Variants in GRIA2 observed in about 807,000 individuals in gnomAD.
The protein encoded by GRIA2 is glutamate receptor 2.
A neutral mutation model predicts 97.3 loss-of-function variants in GRIA2; 14 were observed. That is an observed-to-expected ratio of 0.14 (90% CI 0.10 to 0.23). The LOEUF is 0.23. Ranked by LOEUF, GRIA2 falls within the 10% of genes least tolerant of loss-of-function variation. GRIA2 has a pLI of 1.00. For synonymous variants in GRIA2, 412 were observed against 387.8 expected (o/e 1.06, Z -0.73); for missense variants, 558 against 1,069.8 (o/e 0.52, Z 6.67).
chr4:157,231,965 G>A (rs1730039111), intron 2 of GRIA2, among the ~76,000 whole-genome samples: 1 of 152,136 alleles, frequency 6.6e-6, no homozygotes, highest in African/African-American at 2.4e-5. Flanking sequence ...CAAATGATAT[G>A]TAATATTTTG....
intron 3 of GRIA2, among the ~76,000 whole-genome samples, chr4:157,312,231 C>T (rs953103885): frequency 6.6e-6 from 1 of 151,980 alleles, no homozygotes; most frequent in African/African-American, 2.4e-5. Context: ...TACATAGATT[C>T]CTCATTCAAA....
chr4:157,240,401 G>T (rs1420052192), intron 2 of GRIA2, among the ~76,000 whole-genome samples: 1 of 151,996 alleles, frequency 6.6e-6, no homozygotes, highest in African/African-American at 2.4e-5. Context: ...AAAAATTTTT[G>T]AAATATCTTG....
intron 12 of GRIA2, among the ~76,000 whole-genome samples, chr4:157,350,846 T>C (rs1197471445): frequency 6.6e-6 from 1 of 151,974 alleles, no homozygotes; most frequent in African/African-American, 2.4e-5. Context: ...GTAAGCCTCA[T>C]GTATTCCATT....
intron 12 of GRIA2, among the ~76,000 whole-genome samples, chr4:157,351,638 T>C (rs1736014830): frequency 6.6e-6 from 1 of 152,170 alleles, no homozygotes; most frequent in Non-Finnish European, 1.5e-5. Flanking sequence ...CACCTTGAAT[T>C]GCAATCCCTA....
At chr4:157,302,382 GA>G (rs1733655020) in intron 2 of GRIA2, among the ~76,000 whole-genome samples, 1 of 152,092 alleles carries the variant, frequency 6.6e-6, no homozygotes, top group Admixed American at 6.6e-5. Flanking sequence ...AATGTAAGTG[GA>G]GGAAGGAGGA....
At chr4:157,251,049 A>T (rs2126741575) in intron 2 of GRIA2, among the ~76,000 whole-genome samples, 1 of 152,218 alleles carries the variant, frequency 6.6e-6, no homozygotes, top group Middle Eastern at 3.4e-3. Flanking sequence ...ACAGAAATTT[A>T]ATTACCTAAA....
At chr4:157,342,900 G>A (rs1735608020) in intron 12 of GRIA2, among the ~76,000 whole-genome samples, 1 of 152,062 alleles carries the variant, frequency 6.6e-6, no homozygotes, top group South Asian at 2.1e-4. Context: ...GACAGTAGTA[G>A]TGTCAGCTAC....
At chr4:157,255,234 A>G (rs541576480) in intron 2 of GRIA2, among the ~76,000 whole-genome samples, 1 of 151,512 alleles carries the variant, frequency 6.6e-6, no homozygotes, top group East Asian at 1.9e-4. Context: ...TGTTGCTGCA[A>G]AACACGATTT....
chr4:157,280,040 G>C (rs1402531971), intron 2 of GRIA2, among the ~76,000 whole-genome samples: 1 of 152,122 alleles, frequency 6.6e-6, no homozygotes, highest in Admixed American at 6.6e-5. Flanking sequence ...CAGAAGAATT[G>C]CTTGAACCTG....
chr4:157,353,664 C>G (rs1029842530), intron 12 of GRIA2, among the ~76,000 whole-genome samples: 3 of 151,858 alleles, frequency 2.0e-5, no homozygotes, highest in Non-Finnish European at 4.4e-5. Context: ...GCCTGGGCTA[C>G]AGAGCCAGAC....
At chr4:157,288,134 A>G (rs953721545) in intron 2 of GRIA2, among the ~76,000 whole-genome samples, 1 of 151,608 alleles carries the variant, frequency 6.6e-6, no homozygotes, top group Non-Finnish European at 1.5e-5. Flanking sequence ...ATTTTTTTTT[A>G]ATTTTAGTAT....
intron 2 of GRIA2, among the ~76,000 whole-genome samples, chr4:157,274,053 G>A (rs1317406257): frequency 6.6e-6 from 1 of 152,064 alleles, no homozygotes. Context: ...TAAACAAGAG[G>A]AGAGTGGAGT....
At chr4:157,308,692 C>G (rs969900930) in intron 3 of GRIA2, among the ~76,000 whole-genome samples, 1 of 152,100 alleles carries the variant, frequency 6.6e-6, no homozygotes, top group African/African-American at 2.4e-5. Flanking sequence ...CTCCCATTGT[C>G]TATACAACTT....
At chr4:157,250,793 C>G (rs1450454533) in intron 2 of GRIA2, among the ~76,000 whole-genome samples, 1 of 152,062 alleles carries the variant, frequency 6.6e-6, no homozygotes. Flanking sequence ...TTACATAAAA[C>G]ACAATCTTCT....
At chr4:157,360,217 C>G (rs569441305) in intron 13 of GRIA2, 74 bp downstream of exon 13, 1 of 1,474,142 alleles carries the variant, frequency 6.8e-7, no homozygotes, top group African/African-American at 1.4e-5. Context: ...CTTTAAGACT[C>G]TCTTACGGTT....
chr4:157,246,400 C>G (rs1432123564), intron 2 of GRIA2, among the ~76,000 whole-genome samples: 1 of 152,034 alleles, frequency 6.6e-6, no homozygotes, highest in Non-Finnish European at 1.5e-5. Flanking sequence ...CATCTTATGT[C>G]TTTATATGAA....
intron 12 of GRIA2, among the ~76,000 whole-genome samples, 163 bp downstream of exon 12, chr4:157,341,625 T>TA (rs1214517268): frequency 1.3e-5 from 2 of 152,110 alleles, no homozygotes; most frequent in African/African-American, 4.8e-5. Context: ...CCTATCCTGA[T>TA]ACTTCGGTCC....
In GRIA2 at chr4:157,298,409, T is replaced by C. The variant is rs562691381; in HGVS notation, c.230-5143T>C. Among the ~76,000 whole-genome samples the C allele has an allele frequency of 7.9e-5, 12 of 152,182 alleles. No homozygotes were observed. The South Asian group carries it at 2.3e-3, about 29-fold the overall frequency. On this transcript the variant is annotated intron_variant, in intron 2 of 15. Coordinates refer to ENST00000264426, the MANE Select transcript of GRIA2 (RefSeq NM_001083619.3). ...GGACAAGAAAGGGCAAGAAGGTCAT[T>C]ATTCTGAACTATTGCATATAAATGA...
At chr4:157,325,618 T>G (rs1040653388) in intron 6 of GRIA2, among the ~76,000 whole-genome samples, 1 of 152,196 alleles carries the variant, frequency 6.6e-6, no homozygotes, top group Non-Finnish European at 1.5e-5. Flanking sequence ...TTTTCCTCAC[T>G]ACTTCCTCCT....
Sources: gnomAD v4.1 joint callset for allele counts (sites outside exome capture counted in the v4.1 genomes callset) on GRCh38, gnomAD v4.1.1 for gene constraint, MANE v1.5 for transcripts, NCBI Gene and HGNC (gene_info 2026-07-23, HGNC 2026-07-21) for gene names.